Variants in E2F3 observed in about 807,000 individuals in gnomAD.
E2F3 encodes the protein transcription factor E2F3.
A neutral mutation model predicts 44.4 loss-of-function variants in E2F3; 11 were observed. The observed-to-expected ratio is 0.25, with a 90% CI of 0.16 to 0.41. The LOEUF (loss-of-function observed/expected upper bound fraction) is 0.41. Ranked by LOEUF, E2F3 falls within the 10% of genes least tolerant of loss-of-function variation. E2F3 has a pLI of 1.00. For missense variants in E2F3, 487 were observed against 583.6 expected (o/e 0.83, Z 1.70); for synonymous variants, 249 against 253.0 (o/e 0.98, Z 0.15).
intron 1 of E2F3, among the ~76,000 whole-genome samples, chr6:20,455,998 T>C (rs1761297618): frequency 6.6e-6 from 1 of 152,296 alleles, no homozygotes; most frequent in Admixed American, 6.5e-5. Context: ...TATTCTTCCA[T>C]TTTTGCTTAG....
chr6:20,444,395 C>T (rs1417123580), intron 1 of E2F3, among the ~76,000 whole-genome samples: 2 of 152,158 alleles, frequency 1.3e-5, no homozygotes, highest in Non-Finnish European at 2.9e-5. Flanking sequence ...TCATTCAAAT[C>T]TTTGAATTCC....
intron 1 of E2F3, among the ~76,000 whole-genome samples, chr6:20,474,595 T>G (rs760516975): frequency 6.6e-6 from 1 of 152,170 alleles, no homozygotes; most frequent in Non-Finnish European, 1.5e-5. Context: ...AAAATTGAGA[T>G]GACCAAGAGA....
At chr6:20,463,169 C>T (rs1377767099) in intron 1 of E2F3, among the ~76,000 whole-genome samples, 7 of 152,090 alleles carry the variant, frequency 4.6e-5, no homozygotes, top group African/African-American at 9.7e-5. Context: ...ATTCTCCTGC[C>T]TCTGCCTCTC....
At position 20,467,863 on chromosome 6, in the gene E2F3, ATGCCACTCCATACCATGGGTATGGAGC is replaced by A. The variant is rs1206254478; in HGVS notation, c.394-11962_394-11936del. Among the ~76,000 whole-genome samples the A allele has an allele frequency of 1.1e-3, 160 of 151,772 alleles. 1 individual carries two copies. Among genetic ancestry groups the A allele is most frequent in the East Asian group, 6.2e-3 (32 of 5,144 alleles). On this transcript the variant is annotated intron_variant, in intron 1 of 6. Coordinates refer to ENST00000346618, the MANE Select transcript of E2F3 (RefSeq NM_001949.5). ...TGGTAACTTTTACCTTTAGTGACTG[ATGCCACTCCATACCATGGGTATGGAGC>A]TGCCACTCCATACCATGGGTGACCA...
At position 20,430,086 on chromosome 6, in the gene E2F3, A is replaced by G. The variant is rs555142596; in HGVS notation, c.393+27461A>G. 3.3e-5 allele frequency among the ~76,000 whole-genome samples: 5 copies of G among 149,730 alleles called. No individual in the cohort carries two copies. The South Asian group carries it at 1.0e-3, about 31-fold the overall frequency. ...AGGTTATATTTTAAATATAAATTCT[A>G]CTTTTAAATTCTAAATTTGCTATTT... is the stretch of plus-strand genomic sequence containing the variant. On this transcript the variant is annotated intron_variant, in intron 1 of 6. Coordinates refer to ENST00000346618, the MANE Select transcript of E2F3 (RefSeq NM_001949.5).
At chr6:20,460,288 A>G (rs1027286689) in intron 1 of E2F3, among the ~76,000 whole-genome samples, 1 of 152,216 alleles carries the variant, frequency 6.6e-6, no homozygotes, top group Non-Finnish European at 1.5e-5. Context: ...CACACATTCT[A>G]TCAGAAGTAT....
intron 1 of E2F3, chr6:20,445,051 C>T: frequency 1.0e-6 from 1 of 985,172 alleles, no homozygotes; most frequent in African/African-American, 1.7e-5. Context: ...AGCATTTGGA[C>T]CAATAACACC....
Position 20,490,087 on chromosome 6 carries a change from C to T in E2F3, c.1136-81C>T. 1 of 1,428,046 alleles carries T rather than the reference C, an allele frequency of 7.0e-7. No homozygotes were observed. The allele number at this position is 1,428,046 out of a possible 1,614,324, so 88.5% of individuals were successfully genotyped here. On this transcript the variant is annotated intron_variant, in intron 6 of 6. Transcript: ENST00000346618. The surrounding 1 kb of genome is among the most constrained non-coding windows in gnomAD (Gnocchi z 4.3). ...GCGGAAGGTACATGCTTTTTTCTAA[C>T]AGCAACATATACATTCTTCCAGAAA... is the stretch of plus-strand genomic sequence containing the variant.
At chr6:20,478,800 ACT>A (rs766369344) in intron 1 of E2F3, among the ~76,000 whole-genome samples, 1 of 152,032 alleles carries the variant, frequency 6.6e-6, no homozygotes, top group African/African-American at 2.4e-5. Context: ...ACAGAGCAAG[ACT>A]CTGTCTTAAA....
chr6:20,427,224 C>G (rs1003083674), intron 1 of E2F3, among the ~76,000 whole-genome samples: 1 of 152,190 alleles, frequency 6.6e-6, no homozygotes, highest in Non-Finnish European at 1.5e-5. Flanking sequence ...GAATCACAAA[C>G]CCTCCCTATG....
Position 20,481,218 on chromosome 6 carries a change from C to T in E2F3, c.518C>T (p.Pro173Leu), listed in dbSNP as rs369637402. 1 of 1,613,768 alleles carries T rather than the reference C, an allele frequency of 6.2e-7. No homozygotes were observed. The highest frequency in any genetic ancestry group is 1.7e-5 in the Admixed American group (1 of 59,990). The change falls in exon 3 of 7, where the codon CCC becomes CTC. Residue 173 changes from proline to leucine, a missense_variant. Around this residue, in one of 3 missense-constraint regions of E2F3, gnomAD observed 29 missense variants for 85.9 expected, o/e 0.34. Coordinates refer to ENST00000346618, the MANE Select transcript of E2F3 (RefSeq NM_001949.5). The stretch of plus-strand genomic sequence containing the variant: ...GTTTTTCTTTAAGCTCCAAAATCTC[C>T]CTCAGAAAAAACGCGGTATGATACG... ...SPDSPKTPKSPSEKTRYDTSL... is the reference protein window; with the variant it reads ...SPDSPKTPKSLSEKTRYDTSL...
chr6:20,454,143 AACAGGAGTTATCAAAGTGTGGTCTTCCC>A lies in E2F3; in HGVS notation c.394-25702_394-25675del, dbSNP rs546998380. On this transcript the variant is annotated intron_variant, in intron 1 of 6. Coordinates refer to ENST00000346618, the MANE Select transcript of E2F3 (RefSeq NM_001949.5). ...GACCATGCCTTTTATGAGCCCTAAGAACAGGAGTTATCAAAGTGTGGTCTTCCCCAGACCAGCAGTCTCAACATCAGCT... is the reference window on the plus strand; with the variant it reads ...GACCATGCCTTTTATGAGCCCTAAGACAGACCAGCAGTCTCAACATCAGCT... Among the ~76,000 whole-genome samples, 55 of 152,334 alleles carry A rather than the reference AACAGGAGTTATCAAAGTGTGGTCTTCCC, an allele frequency of 3.6e-4. 2 individuals are homozygous for A. The highest frequency in any genetic ancestry group is 3.2e-3 in the Admixed American group (49 of 15,294).
intron 1 of E2F3, among the ~76,000 whole-genome samples, chr6:20,415,463 A>C (rs10081045): frequency 0.052 from 7,916 of 152,190 alleles, 650 homozygotes; most frequent in African/African-American, 0.18. Context: ...CAAGTTTAGC[A>C]GGATCCCTGG....
At chr6:20,474,461 C>T (rs923843742) in intron 1 of E2F3, among the ~76,000 whole-genome samples, 5 of 152,164 alleles carry the variant, frequency 3.3e-5, no homozygotes, top group Non-Finnish European at 7.3e-5. Flanking sequence ...CCAAATGGCC[C>T]ATCCTTCTGT....
At chr6:20,405,586 A>G (rs1759468366) in intron 1 of E2F3, among the ~76,000 whole-genome samples, 1 of 152,124 alleles carries the variant, frequency 6.6e-6, no homozygotes, top group Non-Finnish European at 1.5e-5. Flanking sequence ...GTACTTTGGG[A>G]AGCCGAGGGG....
intron 1 of E2F3, among the ~76,000 whole-genome samples, chr6:20,409,564 T>C (rs1759601249): frequency 6.6e-6 from 1 of 152,218 alleles, no homozygotes; most frequent in Non-Finnish European, 1.5e-5. Context: ...GTGACTGTCA[T>C]GCTTTCAGAG....
At chr6:20,405,798 G>A (rs1206566987) in intron 1 of E2F3, among the ~76,000 whole-genome samples, 2 of 152,068 alleles carry the variant, frequency 1.3e-5, no homozygotes, top group African/African-American at 4.8e-5. Context: ...ACTCTAGCCT[G>A]GCGGCAGAGC....
At chr6:20,440,980 C>G (rs1760753750) in intron 1 of E2F3, among the ~76,000 whole-genome samples, 2 of 152,096 alleles carry the variant, frequency 1.3e-5, no homozygotes, top group African/African-American at 4.8e-5. Flanking sequence ...AGGGGAGGCC[C>G]AAAATCCAGT....
At chr6:20,461,709 G>C (rs1246675555) in intron 1 of E2F3, among the ~76,000 whole-genome samples, 1 of 152,142 alleles carries the variant, frequency 6.6e-6, no homozygotes. Flanking sequence ...CTATATTTGT[G>C]TGATTGGCCT....
Sources: gnomAD v4.1 joint callset for allele counts (sites outside exome capture counted in the v4.1 genomes callset) on GRCh38, gnomAD v4.1.1 for gene constraint, gnomAD v4.1.1 regional missense constraint, Gnocchi (gnomAD v3.1) non-coding constraint, MANE v1.5 for transcripts, NCBI Gene and HGNC (gene_info 2026-07-23, HGNC 2026-07-21) for gene names.